LINGO2: variants seen among roughly 807,000 people sequenced by gnomAD.
LINGO2 encodes leucine rich repeat and Ig domain containing 2, also known as leucine-rich repeat and immunoglobulin-like domain-containing nogo receptor-interacting protein 2.
LINGO2 carries 14 observed loss-of-function variants against 30.6 expected under a neutral mutation model. The observed-to-expected ratio is 0.46, with a 90% CI of 0.30 to 0.72. LINGO2 has a LOEUF of 0.72. Ranked by LOEUF, LINGO2 falls within the 30% of genes least tolerant of loss-of-function variation. The pLI, the probability that LINGO2 is intolerant of heterozygous loss-of-function variation, is 0.07. For synonymous variants in LINGO2, 317 were observed against 288.5 expected, an observed-to-expected ratio of 1.10 and a Z score of -1.00; for missense variants, 729 against 751.7, an observed-to-expected ratio of 0.97 and a Z score of 0.35.
At chr9:29,055,940 G>GTATATATATATATATGTGTATA in the LINGO2 span, among the ~76,000 whole-genome samples, 1 of 119,982 alleles carries the variant, frequency 8.3e-6, no homozygotes, top group Non-Finnish European at 1.8e-5. Flanking sequence ...ATGTGTGTGT[G>GTATATATATATATATGTGTATA]TATATATACA....
chr9:28,655,927 G>A (rs1258416866), intron 1 of LINGO2, among the ~76,000 whole-genome samples: 2 of 152,068 alleles, frequency 1.3e-5, no homozygotes, highest in African/African-American at 4.8e-5. Flanking sequence ...CTAATACAGT[G>A]AGCCAAAATG....
chr9:28,751,174 C>T, the LINGO2 span, among the ~76,000 whole-genome samples: 4 of 150,332 alleles, frequency 2.7e-5, no homozygotes, highest in Admixed American at 6.7e-5. Context: ...GCCTGTAGTC[C>T]CAGCTAGTCT....
intron 3 of LINGO2, among the ~76,000 whole-genome samples, chr9:28,316,990 C>T: frequency 6.6e-6 from 1 of 152,162 alleles, no homozygotes; most frequent in Admixed American, 6.5e-5. Flanking sequence ...GCTATTTCAC[C>T]TACATGACAA....
At chr9:29,213,357 C>T in the LINGO2 span, among the ~76,000 whole-genome samples, 2,691 of 152,178 alleles carry the variant, frequency 0.018, 27 homozygotes, top group Non-Finnish European at 0.027. Context: ...GGGGATGAGG[C>T]GGAAAGGTGT....
the LINGO2 span, among the ~76,000 whole-genome samples, chr9:29,153,182 C>T: frequency 1.3e-5 from 2 of 152,054 alleles, no homozygotes; most frequent in African/African-American, 4.8e-5. Flanking sequence ...TATTTCACCA[C>T]TGTATATTTT....
At chr9:28,063,510 G>A (rs1055756749) in intron 4 of LINGO2, among the ~76,000 whole-genome samples, 8 of 151,634 alleles carry the variant, frequency 5.3e-5, no homozygotes, top group African/African-American at 1.9e-4. Context: ...GTGATCTTCC[G>A]ACCTCAGCCT....
the LINGO2 span, among the ~76,000 whole-genome samples, chr9:29,176,219 C>T: frequency 1.3e-5 from 2 of 152,156 alleles, no homozygotes; most frequent in Admixed American, 6.5e-5. Flanking sequence ...AGACAACTAA[C>T]CAAAAGTCAC....
the LINGO2 span, among the ~76,000 whole-genome samples, chr9:28,833,385 A>G: frequency 1.3e-5 from 2 of 152,204 alleles, no homozygotes; most frequent in Non-Finnish European, 2.9e-5. Context: ...ATAGAAAATC[A>G]TTCACATTGA....
At chr9:28,055,696 ACTAC>A (rs1157712505) in intron 4 of LINGO2, among the ~76,000 whole-genome samples, 1 of 152,196 alleles carries the variant, frequency 6.6e-6, no homozygotes, top group Non-Finnish European at 1.5e-5. Context: ...TTCTTTGTTA[ACTAC>A]CTGTTACTTA....
At chr9:28,057,676 T>C (rs754209171) in intron 4 of LINGO2, among the ~76,000 whole-genome samples, 6 of 151,346 alleles carry the variant, frequency 4.0e-5, no homozygotes, top group Non-Finnish European at 8.8e-5. Context: ...CTCTTCTTCA[T>C]CCACTTTACA....
chr9:28,686,617 C>T, the LINGO2 span, among the ~76,000 whole-genome samples: 4 of 151,946 alleles, frequency 2.6e-5, no homozygotes, highest in African/African-American at 7.2e-5. Context: ...CTGGACTATG[C>T]TTTTATTTAT....
At chr9:27,940,251 C>T in the LINGO2 span, 1 of 152,046 alleles carries the variant, frequency 6.6e-6, no homozygotes, top group African/African-American at 2.4e-5. Flanking sequence ...TTGACATGTC[C>T]TGATTTGCCA....
At chr9:28,117,216 G>A (rs536945559) in intron 4 of LINGO2, among the ~76,000 whole-genome samples, 1 of 152,098 alleles carries the variant, frequency 6.6e-6, no homozygotes, top group African/African-American at 2.4e-5. Context: ...TCCCAGTTAG[G>A]CTGCCCGGGG....
At chr9:28,535,097 A>G (rs1055313733) in intron 1 of LINGO2, among the ~76,000 whole-genome samples, 1 of 152,174 alleles carries the variant, frequency 6.6e-6, no homozygotes, top group African/African-American at 2.4e-5. Flanking sequence ...GGATGGGTTC[A>G]TGCATTTATG....
chr9:28,033,244 C>T (rs1823768459), intron 4 of LINGO2, among the ~76,000 whole-genome samples: 1 of 152,158 alleles, frequency 6.6e-6, no homozygotes, highest in Admixed American at 6.5e-5. Flanking sequence ...TCATTGAATT[C>T]CTATGGCTTG....
chr9:28,045,145 C>T (rs375629712), intron 4 of LINGO2, among the ~76,000 whole-genome samples: 2 of 151,910 alleles, frequency 1.3e-5, no homozygotes, highest in East Asian at 1.9e-4. Context: ...AGCCATTTTC[C>T]GGTCCATTCC....
chr9:28,258,510 A>T (rs1822456132), intron 4 of LINGO2, among the ~76,000 whole-genome samples: 1 of 151,742 alleles, frequency 6.6e-6, no homozygotes, highest in South Asian at 2.1e-4. Flanking sequence ...ACACACACAC[A>T]CCCCACAAGA....
At chr9:28,696,884 C>T in the LINGO2 span, among the ~76,000 whole-genome samples, 3 of 151,788 alleles carry the variant, frequency 2.0e-5, no homozygotes, top group South Asian at 2.1e-4. Context: ...AAACAATATA[C>T]GTTTTGTGCT....
At chr9:29,118,732 G>A in the LINGO2 span, among the ~76,000 whole-genome samples, 1 of 152,112 alleles carries the variant, frequency 6.6e-6, no homozygotes, top group Non-Finnish European at 1.5e-5. Context: ...CCTGGGAGGA[G>A]TCATGCTCGC....
Sources: allele counts gnomAD v4.1 joint callset (sites outside exome capture counted in the v4.1 genomes callset), GRCh38; gene constraint gnomAD v4.1.1; transcripts MANE v1.5; gene names NCBI Gene and HGNC (gene_info 2026-07-23, HGNC 2026-07-21).